Variants in MYO1H observed in about 807,000 individuals in gnomAD.
MYO1H encodes myosin IH.
MYO1H carries 118 observed loss-of-function variants against 149.3 expected under a neutral mutation model. The observed-to-expected ratio is 0.79, with a 90% confidence interval of 0.68 to 0.92. The LOEUF is 0.92. MYO1H is among the 40% of genes least tolerant of loss of function. The pLI is 0.00. For missense variants in MYO1H, 1,212 were observed against 1,280.7 expected (o/e 0.95, Z 0.82); for synonymous variants, 447 against 465.2 (o/e 0.96, Z 0.50).
intron 1 of MYO1H, among the ~76,000 whole-genome samples, chr12:109,361,948 A>G: frequency 6.6e-6 from 1 of 152,246 alleles, no homozygotes. Context: ...TGCAAAGAAA[A>G]CAATTGAGTC....
At chr12:109,388,624 G>A (rs1257964123) in intron 1 of MYO1H, 59 bp from the exon 2 acceptor site, 19 of 1,399,410 alleles carry the variant, frequency 1.4e-5, no homozygotes, top group Non-Finnish European at 1.5e-5. Context: ...CCATGCATTA[G>A]ACGTGTAATA....
intron 15 of MYO1H, among the ~76,000 whole-genome samples, chr12:109,420,680 G>A (rs957100478): frequency 2.0e-5 from 3 of 152,208 alleles, no homozygotes; most frequent in East Asian, 3.9e-4. Context: ...AGATTTGGGC[G>A]AGGGCACAGA....
At chr12:109,313,149 A>G in the MYO1H span, among the ~76,000 whole-genome samples, 1 of 152,084 alleles carries the variant, frequency 6.6e-6, no homozygotes, top group Non-Finnish European at 1.5e-5. Context: ...GGAGGCTGAG[A>G]TGGAAGGATT....
exon 9 of MYO1H, chr12:109,406,849 A>C: frequency 3.1e-6 from 5 of 1,613,860 alleles, no homozygotes; most frequent in Non-Finnish European, 4.2e-6. Context: ...AATTGAAGCC[A>C]AAACTGAGGA....
intron 1 of MYO1H, among the ~76,000 whole-genome samples, chr12:109,374,988 G>C (rs868228760): frequency 6.6e-6 from 1 of 151,564 alleles, no homozygotes; most frequent in African/African-American, 2.4e-5. Context: ...CTGAGTAGCT[G>C]GGATTACACG....
chr12:109,413,784 C>T (rs1008882627), intron 14 of MYO1H, among the ~76,000 whole-genome samples: 1 of 152,082 alleles, frequency 6.6e-6, no homozygotes, highest in Non-Finnish European at 1.5e-5. Context: ...GTGGTACACG[C>T]CTGTAGTTCC....
chr12:109,327,122 C>CTTTTTTTTTTTTTTTTTTTTTTTTTT, the MYO1H span, among the ~76,000 whole-genome samples: 5 of 111,402 alleles, frequency 4.5e-5, 2 homozygotes, highest in African/African-American at 1.5e-4. Flanking sequence ...TTTTCTTTTT[C>CTTTTTTTTTTTTTTTTTTTTTTTTTT]TTTTTCTTTT....
chr12:109,405,425 C>T (rs891720291), intron 7 of MYO1H, among the ~76,000 whole-genome samples: 2 of 152,102 alleles, frequency 1.3e-5, no homozygotes, highest in East Asian at 3.9e-4. Flanking sequence ...ATTCTACTGC[C>T]TCAGTCTCCC....
chr12:109,360,292 T>C (rs1868715331), intron 1 of MYO1H, among the ~76,000 whole-genome samples: 1 of 152,186 alleles, frequency 6.6e-6, no homozygotes, highest in Non-Finnish European at 1.5e-5. Flanking sequence ...TGAGTTTGTG[T>C]ACCAGCTCTA....
At chr12:109,441,408 G>A (rs1245983612) in intron 25 of MYO1H, among the ~76,000 whole-genome samples, 5 of 152,098 alleles carry the variant, frequency 3.3e-5, no homozygotes, top group African/African-American at 4.8e-5. Context: ...GTAAGGGAAC[G>A]AGCAGAAACG....
At chr12:109,404,728 C>T (rs148117709) in intron 7 of MYO1H, among the ~76,000 whole-genome samples, 1 of 152,172 alleles carries the variant, frequency 6.6e-6, no homozygotes, top group African/African-American at 2.4e-5. Context: ...AAAGTAAGTC[C>T]AGTCTCAACA....
At chr12:109,398,195 G>A (rs1869998262) in intron 5 of MYO1H, among the ~76,000 whole-genome samples, 1 of 152,142 alleles carries the variant, frequency 6.6e-6, no homozygotes, top group African/African-American at 2.4e-5. Context: ...TCCGCTCCCA[G>A]AGATATCGCT....
chr12:109,439,222 A>C (rs1872002150), intron 23 of MYO1H, among the ~76,000 whole-genome samples: 1 of 151,938 alleles, frequency 6.6e-6, no homozygotes, highest in Admixed American at 6.6e-5. Flanking sequence ...TTACAGGCAC[A>C]CACCACCACA....
chr12:109,409,935 T>C (rs1464954227), intron 11 of MYO1H, 28 bp from the exon 12 acceptor site: 1 of 1,281,734 alleles, frequency 7.8e-7, no homozygotes, highest in South Asian at 1.5e-5. Context: ...CATATAACTT[T>C]AGTTACTTAA....
intron 6 of MYO1H, among the ~76,000 whole-genome samples, chr12:109,402,588 C>T (rs1448998859): frequency 1.3e-5 from 2 of 151,944 alleles, no homozygotes; most frequent in Non-Finnish European, 2.9e-5. Context: ...GGCAATGTAG[C>T]AAGACCCCAT....
chr12:109,436,422 G>A, intron 21 of MYO1H, 66 bp from the exon 22 acceptor site: 3 of 1,162,124 alleles, frequency 2.6e-6, no homozygotes, highest in Non-Finnish European at 3.8e-6. Context: ...AACACCCCTG[G>A]AGATCACAAC....
At chr12:109,361,498 C>A (rs1176288926) in intron 1 of MYO1H, among the ~76,000 whole-genome samples, 1 of 152,166 alleles carries the variant, frequency 6.6e-6, no homozygotes, top group Non-Finnish European at 1.5e-5. Flanking sequence ...ACAATTATGT[C>A]TTAATATGTG....
chr12:109,312,306 G>A, the MYO1H span, among the ~76,000 whole-genome samples: 6 of 152,096 alleles, frequency 3.9e-5, no homozygotes, highest in African/African-American at 7.2e-5. Context: ...ACCACCTCCC[G>A]GGTTCACGCC....
intron 2 of MYO1H, among the ~76,000 whole-genome samples, chr12:109,391,737 C>G (rs1241946760): frequency 1.3e-5 from 2 of 152,162 alleles, no homozygotes; most frequent in African/African-American, 2.4e-5. Context: ...TATTTTTTTA[C>G]TTTTTAATAA....
Sources: gnomAD v4.1 joint callset for allele counts (sites outside exome capture counted in the v4.1 genomes callset) on GRCh38, gnomAD v4.1.1 for gene constraint, MANE v1.5 for transcripts, NCBI Gene and HGNC (gene_info 2026-07-23, HGNC 2026-07-21) for gene names.